The following RABGAP1L variants were observed in gnomAD, a reference collection of about 807,000 sequenced individuals.
RABGAP1L encodes rab GTPase-activating protein 1-like.
Under a neutral mutation model 137.7 loss-of-function variants are expected in RABGAP1L, and 63 were observed. The observed-to-expected ratio is 0.46, with a 90% CI of 0.37 to 0.56. The LOEUF is 0.56. RABGAP1L is among the 20% of genes least tolerant of loss of function. RABGAP1L has a pLI of 0.00. For missense variants in RABGAP1L, 1,095 were observed against 1,244.0 expected, an observed-to-expected ratio of 0.88 and a Z score of 1.80; for synonymous variants, 431 against 433.7, an observed-to-expected ratio of 0.99 and a Z score of 0.08.
chr1:174,701,521 C>T (rs979713836), intron 16 of RABGAP1L, among the ~76,000 whole-genome samples: 1 of 152,074 alleles, frequency 6.6e-6, no homozygotes, highest in Non-Finnish European at 1.5e-5. Context: ...TCGGGCAGAT[C>T]ACTTGAGGTC....
intron 19 of RABGAP1L, chr1:174,877,436 G>A (rs1478882794): frequency 6.3e-7 from 1 of 1,597,222 alleles, no homozygotes; most frequent in African/African-American, 1.3e-5. Context: ...ATTTTTCCTT[G>A]GATAGTCTGG....
intron 13 of RABGAP1L, among the ~76,000 whole-genome samples, chr1:174,456,455 A>G (rs973289777): frequency 6.6e-5 from 10 of 152,066 alleles, no homozygotes; most frequent in African/African-American, 7.2e-5. Flanking sequence ...TTTTTTTGTA[A>G]TAGATTTGCA....
chr1:174,544,893 A>G (rs1449603889), intron 13 of RABGAP1L: 1 of 201,048 alleles, frequency 5.0e-6, no homozygotes, highest in Non-Finnish European at 1.1e-5. Context: ...TTGCCTGGGT[A>G]TCACCAGTGG....
At position 174,438,113 on chromosome 1, in the gene RABGAP1L, A is replaced by T. The variant is rs574079714; in HGVS notation, c.1710+43968A>T. On this transcript the variant is annotated intron_variant, in intron 13 of 25. Transcript: ENST00000681986. ...ACAACCGGTACCAGCCACTGCAAAA[A>T]CATGCCAAATTGTAAAGACCATCGA... 9.9e-5 allele frequency among the ~76,000 whole-genome samples: 15 copies of T among 152,228 alleles called. No individual in the cohort carries two copies. The East Asian group carries it at 2.3e-3, about 23-fold the overall frequency.
At chr1:174,804,281 G>GA (rs1689049779) in intron 18 of RABGAP1L, among the ~76,000 whole-genome samples, 1 of 139,292 alleles carries the variant, frequency 7.2e-6, no homozygotes, top group Admixed American at 7.3e-5. Flanking sequence ...TTTGTTTTTT[G>GA]TTTTTTTTTT....
chr1:174,940,291 A>T, intron 19 of RABGAP1L, among the ~76,000 whole-genome samples: 1 of 144,160 alleles, frequency 6.9e-6, no homozygotes, highest in African/African-American at 2.6e-5. Flanking sequence ...CTGAGACAGG[A>T]TCCTGCTCTG....
intron 11 of RABGAP1L, among the ~76,000 whole-genome samples, chr1:174,309,462 C>G (rs56084735): frequency 0.01 from 1,592 of 152,060 alleles, 25 homozygotes; most frequent in African/African-American, 0.034. Context: ...TTAGCCTTTC[C>G]CCATTCAGTA....
At chr1:174,440,487 A>G (rs1290298745) in intron 13 of RABGAP1L, among the ~76,000 whole-genome samples, 1 of 152,220 alleles carries the variant, frequency 6.6e-6, no homozygotes, top group Non-Finnish European at 1.5e-5. Context: ...AGTTGAGGAA[A>G]TAGGTAAATT....
chr1:174,516,122 C>T (rs190304421), intron 13 of RABGAP1L, among the ~76,000 whole-genome samples: 10 of 73,646 alleles, frequency 1.4e-4, no homozygotes, highest in African/African-American at 7.0e-4. Context: ...TGAAGCTCTA[C>T]ACACACACAC....
intron 1 of RABGAP1L, among the ~76,000 whole-genome samples, chr1:174,169,692 T>G (rs542229454): frequency 1.3e-5 from 2 of 151,914 alleles, no homozygotes; most frequent in East Asian, 3.9e-4. Flanking sequence ...CAATTTTTCC[T>G]TTTTTTCATG....
intron 19 of RABGAP1L, chr1:174,849,845 G>T: frequency 1.8e-6 from 1 of 557,356 alleles, no homozygotes. Context: ...CTTTGGGAAT[G>T]ATCTTAATAT....
At chr1:174,280,467 T>C (rs1409201957) in intron 10 of RABGAP1L, among the ~76,000 whole-genome samples, 1 of 152,212 alleles carries the variant, frequency 6.6e-6, no homozygotes, top group East Asian at 1.9e-4. Context: ...CCAGAACTTG[T>C]CCTGTACCCA....
intron 13 of RABGAP1L, among the ~76,000 whole-genome samples, chr1:174,526,315 G>A (rs1663869053): frequency 6.6e-6 from 1 of 151,986 alleles, no homozygotes; most frequent in Non-Finnish European, 1.5e-5. Flanking sequence ...TTGTTATTAT[G>A]TCCTTGTCTG....
chr1:174,589,102 G>A (rs753282526), intron 13 of RABGAP1L, among the ~76,000 whole-genome samples: 2 of 152,080 alleles, frequency 1.3e-5, no homozygotes, highest in African/African-American at 2.4e-5. Flanking sequence ...CCACATCCTT[G>A]TCAGCATTTG....
intron 1 of RABGAP1L, among the ~76,000 whole-genome samples, chr1:174,163,805 A>G (rs1664700341): frequency 6.6e-6 from 1 of 152,106 alleles, no homozygotes; most frequent in Admixed American, 6.5e-5. Flanking sequence ...TTCCCAGAAT[A>G]TGAAGCCTAA....
At chr1:174,406,122 AT>A (rs1416764562) in intron 13 of RABGAP1L, among the ~76,000 whole-genome samples, 1 of 152,164 alleles carries the variant, frequency 6.6e-6, no homozygotes, top group Non-Finnish European at 1.5e-5. Context: ...AATAATTTAA[AT>A]CAAATTTTCT....
chr1:174,285,310 C>T (rs925124353), intron 10 of RABGAP1L, among the ~76,000 whole-genome samples: 1 of 152,166 alleles, frequency 6.6e-6, no homozygotes, highest in Non-Finnish European at 1.5e-5. Flanking sequence ...AGCCACCATG[C>T]CCAGCCAATG....
chr1:174,896,270 A>G (rs559613226), intron 19 of RABGAP1L, among the ~76,000 whole-genome samples: 1,842 of 152,074 alleles, frequency 0.012, 52 homozygotes, highest in African/African-American at 0.043. Context: ...CATATCCTTC[A>G]CCCACTTTTT....
chr1:174,265,982 T>C (rs1571844306), intron 7 of RABGAP1L, among the ~76,000 whole-genome samples: 1 of 152,160 alleles, frequency 6.6e-6, no homozygotes, highest in East Asian at 1.9e-4. Context: ...GACAGATAGA[T>C]AGATAAAACG....
Sources: allele counts gnomAD v4.1 joint callset (sites outside exome capture counted in the v4.1 genomes callset), GRCh38; gene constraint gnomAD v4.1.1; transcripts MANE v1.5; gene names NCBI Gene and HGNC (gene_info 2026-07-23, HGNC 2026-07-21).